The following CTNNBL1 variants were observed in gnomAD, a reference collection of about 807,000 sequenced individuals.
The protein encoded by CTNNBL1 is beta-catenin-like protein 1.
In CTNNBL1, 31 loss-of-function variants were observed where a neutral mutation model predicts 72.7. The observed-to-expected ratio is 0.43, with a 90% CI of 0.32 to 0.58. The LOEUF (loss-of-function observed/expected upper bound fraction) is 0.58, where lower values mean the gene tolerates loss of function less well. CTNNBL1 is among the 20% of genes least tolerant of loss of function. CTNNBL1 has a pLI of 0.08. For missense variants in CTNNBL1, 534 were observed against 725.1 expected, an observed-to-expected ratio of 0.74 and a Z score of 3.03; for synonymous variants, 240 against 267.3, an observed-to-expected ratio of 0.90 and a Z score of 1.00.
At chr20:37,720,665 T>C (rs1480854719) in intron 1 of CTNNBL1, among the ~76,000 whole-genome samples, 2 of 152,174 alleles carry the variant, frequency 1.3e-5, no homozygotes, top group African/African-American at 4.8e-5. Context: ...GACATATAAT[T>C]TGGACTCTGT....
chr20:37,782,047 G>C (rs1164193070), intron 10 of CTNNBL1, among the ~76,000 whole-genome samples: 3 of 152,154 alleles, frequency 2.0e-5, no homozygotes, highest in African/African-American at 7.2e-5. Context: ...CAAATTTACA[G>C]GTATTTTGGC....
intron 4 of CTNNBL1, chr20:37,751,814 C>T (rs2073322976): frequency 6.6e-6 from 1 of 152,198 alleles, no homozygotes; most frequent in East Asian, 1.9e-4. Flanking sequence ...GTCCCGTAAG[C>T]ACTGTCTAAC....
intron 5 of CTNNBL1, among the ~76,000 whole-genome samples, chr20:37,758,793 C>T (rs751479666): frequency 5.3e-5 from 8 of 152,200 alleles, no homozygotes; most frequent in Admixed American, 1.3e-4. Flanking sequence ...AAGATTACTC[C>T]AGCCACTAGT....
intron 7 of CTNNBL1, among the ~76,000 whole-genome samples, chr20:37,774,067 C>T (rs1260643695): frequency 3.3e-5 from 5 of 151,864 alleles, no homozygotes; most frequent in Admixed American, 3.3e-4. Context: ...TGCACACCAC[C>T]ACACCCAGCT....
rs75576731 is a variant in CTNNBL1 at position 37,828,654 on chromosome 20, T to C, written c.1214-11448T>C. Among the ~76,000 whole-genome samples, 856 of 152,370 alleles carry C rather than the reference T, an allele frequency of 5.6e-3. 3 individuals carry two copies. The highest frequency in any genetic ancestry group is 0.031 in the Middle Eastern group (9 of 294). ...GTAGGTTTGCAATCGATGTGGCCTC[T>C]TGGAGTTCCTGGCCCCTAGCCCAGT... On this transcript the variant is annotated intron_variant, in intron 11 of 15. Coordinates refer to ENST00000361383, the MANE Select transcript of CTNNBL1 (RefSeq NM_030877.5).
At chr20:37,830,783 G>A (rs2072201880) in intron 11 of CTNNBL1, among the ~76,000 whole-genome samples, 2 of 152,136 alleles carry the variant, frequency 1.3e-5, no homozygotes, top group African/African-American at 4.8e-5. Flanking sequence ...TTAGCCTACA[G>A]CTGGGCAAAA....
intron 1 of CTNNBL1, among the ~76,000 whole-genome samples, chr20:37,728,654 CTTACGATTTT>C (rs966859070): frequency 6.6e-6 from 1 of 152,166 alleles, no homozygotes; most frequent in African/African-American, 2.4e-5. Context: ...AAGAGAAGTT[CTTACGATTTT>C]TGCCTTTAGA....
At chr20:37,696,689 A>G (rs929280222) in intron 1 of CTNNBL1, among the ~76,000 whole-genome samples, 2 of 151,768 alleles carry the variant, frequency 1.3e-5, no homozygotes, top group Admixed American at 6.6e-5. Flanking sequence ...GTGATCTGCC[A>G]GCCTTGGCCT....
chr20:37,818,605 A>C (rs2072079645), intron 11 of CTNNBL1, among the ~76,000 whole-genome samples: 1 of 152,236 alleles, frequency 6.6e-6, no homozygotes, highest in African/African-American at 2.4e-5. Context: ...GGACCAGGAC[A>C]GCCTTCTCCT....
intron 15 of CTNNBL1, among the ~76,000 whole-genome samples, chr20:37,864,592 G>A (rs1034227417): frequency 2.6e-5 from 4 of 152,140 alleles, no homozygotes; most frequent in Admixed American, 6.5e-5. Flanking sequence ...TGCTCCCGAC[G>A]TCCAGCCTTC....
At chr20:37,870,258 C>T (rs1191836344) in intron 15 of CTNNBL1, among the ~76,000 whole-genome samples, 1 of 152,014 alleles carries the variant, frequency 6.6e-6, no homozygotes, top group Admixed American at 6.5e-5. Flanking sequence ...GCTCCTACAC[C>T]CCTCCTGCCA....
chr20:37,842,431 T>C lies in CTNNBL1; in HGVS notation c.1392+12T>C. On this transcript the variant is annotated intron_variant, in intron 13 of 15. Coordinates refer to ENST00000361383, the MANE Select transcript of CTNNBL1 (RefSeq NM_030877.5). ...AAGGGGAAAAACACGTATGTATCCC[T>C]GCCTCACTTTTGCCAGCTATTGACT... 1 of 1,603,300 alleles carries C rather than the reference T, an allele frequency of 6.2e-7. No individual in the cohort carries two copies. Among genetic ancestry groups the C allele is most frequent in the Non-Finnish European group, 8.5e-7 (1 of 1,170,088 alleles).
intron 11 of CTNNBL1, among the ~76,000 whole-genome samples, chr20:37,817,228 AT>A (rs1278634265): frequency 2.0e-5 from 3 of 152,190 alleles, no homozygotes; most frequent in Admixed American, 6.5e-5. Context: ...AGTTACATGA[AT>A]TTTAATCACC....
intron 1 of CTNNBL1, chr20:37,727,379 C>G: frequency 1.0e-6 from 1 of 982,856 alleles, no homozygotes; most frequent in Non-Finnish European, 1.2e-6. Flanking sequence ...TATCTATTAT[C>G]GTGAAGCCTA....
chr20:37,797,612 G>A (rs145365155), intron 10 of CTNNBL1, among the ~76,000 whole-genome samples: 283 of 152,148 alleles, frequency 1.9e-3, no homozygotes, highest in Non-Finnish European at 2.7e-3. Context: ...ACATCACGCC[G>A]TGTTCCACAG....
chr20:37,768,000 G>A lies in CTNNBL1; in HGVS notation c.706G>A (p.Gly236Ser). 1.9e-6 allele frequency: 3 copies of A among 1,614,036 alleles called. No individual in the cohort carries two copies. The highest frequency in any genetic ancestry group is 2.5e-6 in the Non-Finnish European group (3 of 1,179,960). Residue 236 changes from glycine (G) to serine (S), a missense_variant, in exon 7 of 16, where the codon GGT becomes AGT. Physicochemically the swap from Gly to Ser is moderately conservative, Grantham distance 56 (BLOSUM62 0). Coordinates refer to ENST00000361383, the MANE Select transcript of CTNNBL1 (RefSeq NM_030877.5). ...AEFRPEMCTE[G>S]AQQGLLQWLL... ...GTTCCGGCCTGAGATGTGTACAGAGGGTGCCCAGCAGGGTCTTCTACAGTG... is the reference window on the plus strand; with the variant it reads ...GTTCCGGCCTGAGATGTGTACAGAGAGTGCCCAGCAGGGTCTTCTACAGTG...
At chr20:37,760,551 G>A (rs149072945) in intron 5 of CTNNBL1, among the ~76,000 whole-genome samples, 35 of 152,326 alleles carry the variant, frequency 2.3e-4, no homozygotes, top group African/African-American at 7.0e-4. Flanking sequence ...TGTGATCCCC[G>A]TCAGGGGAGT....
At chr20:37,711,524 A>T (rs1257322021) in intron 1 of CTNNBL1, among the ~76,000 whole-genome samples, 1 of 150,284 alleles carries the variant, frequency 6.7e-6, no homozygotes, top group Non-Finnish European at 1.5e-5. Flanking sequence ...TGGAACTTAC[A>T]TCCAGGGAGG....
intron 13 of CTNNBL1, among the ~76,000 whole-genome samples, chr20:37,857,957 A>G (rs547754268): frequency 3.3e-5 from 5 of 152,220 alleles, no homozygotes; most frequent in Non-Finnish European, 7.3e-5. Context: ...TTGGGAGGCC[A>G]AGGCGGGAGG....
Sources: gnomAD v4.1 joint callset for allele counts (sites outside exome capture counted in the v4.1 genomes callset) on GRCh38, gnomAD v4.1.1 for gene constraint, MANE v1.5 for transcripts, NCBI Gene and HGNC (gene_info 2026-07-23, HGNC 2026-07-21) for gene names.